TENM2: variants seen among roughly 807,000 people sequenced by gnomAD.
The protein encoded by TENM2 is teneurin transmembrane protein 2.
In TENM2, 52 loss-of-function variants were observed where a neutral mutation model predicts 245.2. That is an observed-to-expected ratio of 0.21 (90% confidence interval 0.17 to 0.27). The LOEUF (loss-of-function observed/expected upper bound fraction) is 0.27, where lower values mean the gene tolerates loss of function less well. TENM2 is among the 10% of genes least tolerant of loss of function. The pLI is 1.00. For synonymous variants in TENM2, 1,363 were observed against 1,438.9 expected (o/e 0.95, Z 1.19); for missense variants, 3,046 against 3,666.8 (o/e 0.83, Z 4.37).
At chr5:167,896,937 C>T (rs1775270912) in intron 3 of TENM2, among the ~76,000 whole-genome samples, 1 of 152,176 alleles carries the variant, frequency 6.6e-6, no homozygotes, top group Non-Finnish European at 1.5e-5. Flanking sequence ...TGTGCGTTTC[C>T]CCAGCCTGAT....
chr5:167,011,268 A>G, the TENM2 span, among the ~76,000 whole-genome samples: 1 of 152,232 alleles, frequency 6.6e-6, no homozygotes, highest in African/African-American at 2.4e-5. Context: ...TAAAATCCAT[A>G]AACGTCTAAG....
intron 5 of TENM2, among the ~76,000 whole-genome samples, chr5:168,018,603 G>C (rs1437152167): frequency 6.6e-6 from 1 of 152,116 alleles, no homozygotes; most frequent in South Asian, 2.1e-4. Context: ...GAAGGAATAG[G>C]ATAGGAGGGA....
chr5:167,321,037 C>T (rs1167674982), intron 1 of TENM2, among the ~76,000 whole-genome samples: 1 of 152,088 alleles, frequency 6.6e-6, no homozygotes, highest in Non-Finnish European at 1.5e-5. Context: ...AAAGCCACTA[C>T]TCTGTGCATT....
chr5:167,210,612 C>A, the TENM2 span, among the ~76,000 whole-genome samples: 3 of 151,428 alleles, frequency 2.0e-5, no homozygotes, highest in African/African-American at 7.3e-5. Context: ...TACAGGCGCC[C>A]GCCACCGCGC....
chr5:167,306,332 TC>T (rs1755674744), intron 1 of TENM2: 1 of 152,186 alleles, frequency 6.6e-6, no homozygotes, highest in Non-Finnish European at 1.5e-5. Context: ...AACCAGATGG[TC>T]TTCTCTAGCT....
At chr5:168,123,635 T>C (rs184097853) in intron 10 of TENM2, among the ~76,000 whole-genome samples, 175 of 152,326 alleles carry the variant, frequency 1.1e-3, no homozygotes, top group South Asian at 3.5e-3. Flanking sequence ...CCCCAGGTGA[T>C]AGAAGAAGCA....
Position 168,097,883 on chromosome 5 carries a change from T to A in TENM2, c.1712-143T>A, listed in dbSNP as rs575264273. The stretch of plus-strand genomic sequence containing the variant: ...ACCACTCCCTATTCTCTTCCTTCAC[T>A]CATTCATATTGCTGACCGATCCCCT... On this transcript the variant is annotated intron_variant, in intron 8 of 28. Coordinates refer to ENST00000518659, the Ensembl canonical transcript of TENM2. 3 of 632,656 alleles carry A rather than the reference T, an allele frequency of 4.7e-6. No individual in the cohort carries two copies. The South Asian group carries it at 5.7e-5, about 12-fold the overall frequency. The allele number at this position is 632,656 out of a possible 1,614,324, so 39.2% of individuals were successfully genotyped here. A position where few individuals can be genotyped will look rare whatever the true frequency, so the allele number is the denominator to read the frequency against.
chr5:167,768,266 T>C (rs774188052), intron 2 of TENM2, among the ~76,000 whole-genome samples: 5 of 152,184 alleles, frequency 3.3e-5, no homozygotes, highest in Non-Finnish European at 5.9e-5. Flanking sequence ...GTTCTTTATG[T>C]GATGATTACA....
chr5:167,008,923 G>A, the TENM2 span, among the ~76,000 whole-genome samples: 3 of 152,134 alleles, frequency 2.0e-5, no homozygotes, highest in African/African-American at 7.2e-5. Flanking sequence ...AAAGCTTTTA[G>A]CATCGGTCCT....
intron 2 of TENM2, among the ~76,000 whole-genome samples, chr5:167,555,914 T>C (rs967172682): frequency 6.6e-6 from 1 of 152,070 alleles, no homozygotes; most frequent in Non-Finnish European, 1.5e-5. Context: ...AAAAAGAAGA[T>C]AGAAGAGAAA....
At chr5:167,876,731 T>G (rs1373645008) in intron 3 of TENM2, among the ~76,000 whole-genome samples, 1 of 152,268 alleles carries the variant, frequency 6.6e-6, no homozygotes, top group African/African-American at 2.4e-5. Context: ...CTGAAGTGTT[T>G]GGGGGGTGAC....
chr5:167,233,360 AT>A, the TENM2 span, among the ~76,000 whole-genome samples: 2 of 152,092 alleles, frequency 1.3e-5, no homozygotes, highest in Admixed American at 6.5e-5. Context: ...CTTTTTAAAA[AT>A]TTTTCATGTG....
At chr5:168,065,854 G>GTTT (rs546874434) in intron 7 of TENM2, among the ~76,000 whole-genome samples, 2 of 144,138 alleles carry the variant, frequency 1.4e-5, no homozygotes, top group Admixed American at 6.9e-5. Context: ...AAGAACAAAG[G>GTTT]TTTTTTTTTT....
chr5:167,096,395 T>G, the TENM2 span, among the ~76,000 whole-genome samples: 1 of 152,208 alleles, frequency 6.6e-6, no homozygotes, highest in Admixed American at 6.5e-5. Flanking sequence ...TTGACTTCTC[T>G]CTGACCGTAA....
At chr5:168,029,548 G>C (rs1001295416) in intron 5 of TENM2, among the ~76,000 whole-genome samples, 1 of 152,170 alleles carries the variant, frequency 6.6e-6, no homozygotes, top group African/African-American at 2.4e-5. Context: ...GGATCCGCTG[G>C]CTTTGGGCAG....
intron 12 of TENM2, among the ~76,000 whole-genome samples, chr5:168,161,969 G>A (rs982281294): frequency 6.6e-6 from 1 of 152,038 alleles, no homozygotes; most frequent in African/African-American, 2.4e-5. Context: ...CCACTCCACA[G>A]CCTTCGAATC....
At chr5:168,037,387 C>T (rs924844542) in intron 5 of TENM2, among the ~76,000 whole-genome samples, 3 of 152,086 alleles carry the variant, frequency 2.0e-5, no homozygotes, top group African/African-American at 7.2e-5. Flanking sequence ...CAGGAGGGAA[C>T]ATATCTATAT....
At chr5:168,126,808 G>T (rs201674742) in exon 12 of TENM2, 4 of 1,613,326 alleles carry the variant, frequency 2.5e-6, no homozygotes, top group Non-Finnish European at 1.7e-6. Context: ...GGAGCCTGCC[G>T]CTGTGAAGAG....
chr5:167,056,612 A>AATATATCTATATAAAT, the TENM2 span, among the ~76,000 whole-genome samples: 7 of 146,552 alleles, frequency 4.8e-5, no homozygotes, highest in African/African-American at 1.5e-4. Flanking sequence ...TATCTATATA[A>AATATATCTATATAAAT]ATATATCTAT....
Sources: gnomAD v4.1 joint callset for allele counts (sites outside exome capture counted in the v4.1 genomes callset) on GRCh38, gnomAD v4.1.1 for gene constraint, MANE v1.5 for transcripts, NCBI Gene and HGNC (gene_info 2026-07-23, HGNC 2026-07-21) for gene names.